Variants in TNKS observed in about 807,000 individuals in gnomAD.
TNKS encodes tankyrase, also known as poly [ADP-ribose] polymerase tankyrase-1.
Under a neutral mutation model 135.8 loss-of-function variants are expected in TNKS, and 72 were observed. That is an observed-to-expected ratio of 0.53 (90% CI 0.44 to 0.64). TNKS has a LOEUF of 0.64. TNKS is among the 30% of genes least tolerant of loss of function. TNKS has a pLI of 0.00. For synonymous variants in TNKS, 849 were observed against 649.3 expected (o/e 1.31, Z -4.68); for missense variants, 1,769 against 1,674.0 (o/e 1.06, Z -0.99).
At chr8:9,730,680 A>G (rs1425318183) in intron 13 of TNKS, among the ~76,000 whole-genome samples, 1 of 152,210 alleles carries the variant, frequency 6.6e-6, no homozygotes, top group Non-Finnish European at 1.5e-5. Context: ...GAAAAACATT[A>G]ATTTGCTCTG....
At chr8:9,657,223 G>A (rs1168158033) in intron 3 of TNKS, among the ~76,000 whole-genome samples, 29 of 121,142 alleles carry the variant, frequency 2.4e-4, no homozygotes, top group African/African-American at 4.5e-4. Flanking sequence ...CTCACCTCCC[G>A]GACGGGGCGG....
At chr8:9,684,447 G>C (rs1802904490) in intron 5 of TNKS, among the ~76,000 whole-genome samples, 1 of 151,826 alleles carries the variant, frequency 6.6e-6, no homozygotes, top group Non-Finnish European at 1.5e-5. Context: ...AGTTCTTTGT[G>C]GTTCCTCTCT....
chr8:9,590,551 T>C (rs542394385), intron 2 of TNKS, among the ~76,000 whole-genome samples: 1 of 152,352 alleles, frequency 6.6e-6, no homozygotes, highest in South Asian at 2.1e-4. Context: ...AGGAACCTAC[T>C]CTGCCTTACT....
intron 2 of TNKS, among the ~76,000 whole-genome samples, chr8:9,591,579 A>G (rs1798591789): frequency 6.6e-6 from 1 of 152,180 alleles, no homozygotes; most frequent in South Asian, 2.1e-4. Context: ...AAGTGTGCAT[A>G]TCTTTTGGCC....
chr8:9,686,256 A>C (rs1802992456), intron 5 of TNKS, among the ~76,000 whole-genome samples: 1 of 152,192 alleles, frequency 6.6e-6, no homozygotes, highest in Admixed American at 6.5e-5. Flanking sequence ...GACGAGGTCC[A>C]CATGAAGAAC....
intron 2 of TNKS, among the ~76,000 whole-genome samples, chr8:9,592,885 T>C (rs1798638821): frequency 1.3e-5 from 2 of 152,234 alleles, no homozygotes; most frequent in Admixed American, 1.3e-4. Context: ...AATATTCATA[T>C]ACAAATATAA....
intron 17 of TNKS, among the ~76,000 whole-genome samples, chr8:9,740,055 T>TAAAAAAAAA (rs58285747): frequency 2.3e-4 from 20 of 87,442 alleles, no homozygotes; most frequent in South Asian, 4.3e-4. Context: ...TAGAGTATAA[T>TAAAAAAAAA]AAAAAAAAAA....
chr8:9,631,776 TC>T (rs1800299021), intron 3 of TNKS, among the ~76,000 whole-genome samples: 1 of 151,878 alleles, frequency 6.6e-6, no homozygotes. Flanking sequence ...TTTTTTTTTT[TC>T]AAGAAAAAGT....
intron 5 of TNKS, among the ~76,000 whole-genome samples, chr8:9,686,778 C>G (rs1803021366): frequency 6.6e-6 from 1 of 152,066 alleles, no homozygotes. Flanking sequence ...GAACTTGAAG[C>G]TAGAAGATCT....
intron 2 of TNKS, among the ~76,000 whole-genome samples, chr8:9,614,092 A>T (rs1217608518): frequency 6.6e-6 from 1 of 152,162 alleles, no homozygotes; most frequent in Admixed American, 6.5e-5. Context: ...TTGATACTTG[A>T]GTCTGCTTTA....
intron 5 of TNKS, among the ~76,000 whole-genome samples, chr8:9,688,099 A>G (rs1803094050): frequency 6.6e-6 from 1 of 152,222 alleles, no homozygotes; most frequent in Non-Finnish European, 1.5e-5. Flanking sequence ...GTTTTAATAT[A>G]TGCTTTATAA....
At chr8:9,666,719 T>TA (rs749333851) in intron 3 of TNKS, among the ~76,000 whole-genome samples, 6,183 of 130,896 alleles carry the variant, frequency 0.047, 138 homozygotes, top group African/African-American at 0.072. Context: ...AGACTCTATC[T>TA]AAAAAAAAAA....
chr8:9,666,212 C>T (rs554728241), intron 3 of TNKS, among the ~76,000 whole-genome samples: 5 of 152,162 alleles, frequency 3.3e-5, no homozygotes, highest in Admixed American at 1.3e-4. Flanking sequence ...CACGCTGCCA[C>T]ACGTTGAAAT....
At chr8:9,739,041 A>C (rs1805792067) in intron 17 of TNKS, among the ~76,000 whole-genome samples, 1 of 151,610 alleles carries the variant, frequency 6.6e-6, no homozygotes, top group Non-Finnish European at 1.5e-5. Flanking sequence ...AACAAAAGAC[A>C]AAATTGACAA....
rs1806333690 is a variant in TNKS, at chr8:9,748,187, G to C, written c.2807G>C (p.Gly936Ala). 1 of 1,577,884 alleles carries C rather than the reference G, an allele frequency of 6.3e-7. No individual in the cohort carries two copies. Among genetic ancestry groups the C allele is most frequent in the Non-Finnish European group, 8.6e-7 (1 of 1,162,400 alleles). Reference sequence around the variant, plus strand: ...GACCCCACCATGAAGAACCAGGAAGGCCAGACGCCTCTGGATCTGGCAACA... The same window carrying C: ...GACCCCACCATGAAGAACCAGGAAGCCCAGACGCCTCTGGATCTGGCAACA... ...GADPTMKNQE[G>A]QTPLDLATAD... The change falls in exon 18 of 27, where the codon GGC becomes GCC. Residue 936 changes from glycine (G) to alanine (A), a missense_variant. Physicochemically the swap from Gly to Ala is moderately conservative, Grantham distance 60. Transcript: ENST00000310430.
At chr8:9,766,715 A>G (rs1181326963) in intron 25 of TNKS, among the ~76,000 whole-genome samples, 3 of 151,974 alleles carry the variant, frequency 2.0e-5, no homozygotes, top group Admixed American at 6.6e-5. Flanking sequence ...CGAACTCCTG[A>G]TCTCATGATC....
intron 18 of TNKS, among the ~76,000 whole-genome samples, chr8:9,749,260 C>T (rs1214128314): frequency 6.6e-6 from 1 of 152,136 alleles, no homozygotes; most frequent in African/African-American, 2.4e-5. Context: ...ATTTTTCCCA[C>T]ATTCAAATTA....
rs942632565 is a variant in TNKS, at chr8:9,777,016, G to A, written c.*280G>A. 4 of 387,148 alleles carry A rather than the reference G, an allele frequency of 1.0e-5. No homozygotes were observed. The highest frequency in any genetic ancestry group is 4.4e-5 in the East Asian group (1 of 22,944). The allele number at this position is 387,148 out of a possible 1,614,324, so 24.0% of individuals were successfully genotyped here. On this transcript the variant is annotated 3_prime_UTR_variant, in exon 27 of 27. Coordinates refer to ENST00000310430, the MANE Select transcript of TNKS (RefSeq NM_003747.3). ...TCCATTTCTAAAACAAGATTGCTTCGATCTAGACTTGGAAATGGAAAATAA... is the reference window on the plus strand; with the variant it reads ...TCCATTTCTAAAACAAGATTGCTTCAATCTAGACTTGGAAATGGAAAATAA...
chr8:9,623,972 A>G (rs1230153932), intron 3 of TNKS, among the ~76,000 whole-genome samples: 10 of 152,240 alleles, frequency 6.6e-5, no homozygotes, highest in Non-Finnish European at 1.5e-5. Flanking sequence ...ACTGTACTCC[A>G]GTCTGGGTGA....
Sources: allele counts gnomAD v4.1 joint callset (sites outside exome capture counted in the v4.1 genomes callset), GRCh38; gene constraint gnomAD v4.1.1; transcripts MANE v1.5; gene names NCBI Gene and HGNC (gene_info 2026-07-23, HGNC 2026-07-21).